MED27: variants seen among roughly 807,000 people sequenced by gnomAD.
MED27 encodes mediator of RNA polymerase II transcription subunit 27.
A neutral mutation model predicts 38.2 loss-of-function variants in MED27; 30 were observed. The observed-to-expected ratio is 0.79, with a 90% CI of 0.59 to 1.07. MED27 has a LOEUF of 1.07. MED27 is among the 50% of genes least tolerant of loss of function. The pLI is 0.00. For synonymous variants in MED27, 122 were observed against 153.5 expected, an observed-to-expected ratio of 0.79 and a Z score of 1.52; for missense variants, 289 against 397.5, an observed-to-expected ratio of 0.73 and a Z score of 2.32.
intron 3 of MED27, among the ~76,000 whole-genome samples, chr9:131,978,820 A>G (rs929560972): frequency 3.3e-5 from 5 of 152,244 alleles, no homozygotes; most frequent in African/African-American, 1.2e-4. Flanking sequence ...AGAGCTGGAG[A>G]AACCATCGCA....
intron 2 of MED27, among the ~76,000 whole-genome samples, chr9:132,028,364 C>T (rs1446907646): frequency 1.3e-5 from 2 of 152,182 alleles, no homozygotes; most frequent in African/African-American, 2.4e-5. Flanking sequence ...TTCAACTTCT[C>T]CCACTCACCT....
At chr9:132,007,115 T>C (rs1374655640) in intron 3 of MED27, among the ~76,000 whole-genome samples, 1 of 152,224 alleles carries the variant, frequency 6.6e-6, no homozygotes, top group Non-Finnish European at 1.5e-5. Context: ...CTGGAAGCCC[T>C]AGGTGTGAGT....
intron 2 of MED27, among the ~76,000 whole-genome samples, chr9:132,019,772 T>C (rs1832679804): frequency 6.6e-6 from 1 of 152,200 alleles, no homozygotes; most frequent in Non-Finnish European, 1.5e-5. Context: ...TAACTGGAGG[T>C]ACTGATGTTT....
chr9:131,896,015 C>T (rs1028361492), intron 4 of MED27, among the ~76,000 whole-genome samples: 12 of 152,082 alleles, frequency 7.9e-5, no homozygotes, highest in East Asian at 5.8e-4. Context: ...TCTCCTGCCT[C>T]GGCCTCCCGA....
At chr9:131,973,098 C>G (rs1156340932) in intron 3 of MED27, among the ~76,000 whole-genome samples, 1 of 152,228 alleles carries the variant, frequency 6.6e-6, no homozygotes, top group Non-Finnish European at 1.5e-5. Context: ...TTCCTGTCAC[C>G]AATTCCTACC....
intron 6 of MED27, 55 bp downstream of exon 6, chr9:131,884,003 A>G (rs780213045): frequency 3.4e-6 from 5 of 1,488,182 alleles, no homozygotes; most frequent in Non-Finnish European, 4.7e-6. Flanking sequence ...TTAAACCTCA[A>G]AGCATTCACG....
intron 2 of MED27, among the ~76,000 whole-genome samples, chr9:132,064,721 G>T (rs1833773161): frequency 6.6e-6 from 1 of 152,104 alleles, no homozygotes; most frequent in Non-Finnish European, 1.5e-5. Flanking sequence ...ATAAAAACTG[G>T]GTGATATTTA....
intron 2 of MED27, among the ~76,000 whole-genome samples, chr9:132,069,599 C>CA (rs34960114): frequency 1.3e-5 from 2 of 152,182 alleles, no homozygotes; most frequent in Non-Finnish European, 2.9e-5. Context: ...CTGGAGCATA[C>CA]AAAAAGGCTG....
chr9:131,884,173 A>G, intron 5 of MED27, 74 bp from the exon 6 acceptor site: 1 of 1,185,172 alleles, frequency 8.4e-7, no homozygotes, highest in Non-Finnish European at 1.2e-6. Context: ...TATTGTAACT[A>G]CTGTTAACCC....
chr9:132,002,618 A>C (rs938991573), intron 3 of MED27, among the ~76,000 whole-genome samples: 3 of 152,210 alleles, frequency 2.0e-5, no homozygotes, highest in Non-Finnish European at 2.9e-5. Flanking sequence ...GCATCAAGAA[A>C]CCATCAAAAT....
intron 2 of MED27, among the ~76,000 whole-genome samples, chr9:132,067,543 G>T (rs1833835702): frequency 6.6e-6 from 1 of 152,174 alleles, no homozygotes; most frequent in Non-Finnish European, 1.5e-5. Flanking sequence ...ACTAGAAGTG[G>T]CAAAAAGAAG....
intron 3 of MED27, among the ~76,000 whole-genome samples, chr9:131,972,441 G>T (rs941131481): frequency 6.6e-6 from 1 of 152,148 alleles, no homozygotes; most frequent in African/African-American, 2.4e-5. Context: ...TAAGGCAGTA[G>T]ACAGCAAATG....
At chr9:131,875,965 T>C (rs1838924036) in intron 6 of MED27, among the ~76,000 whole-genome samples, 1 of 152,122 alleles carries the variant, frequency 6.6e-6, no homozygotes, top group Non-Finnish European at 1.5e-5. Context: ...CAGGAAACAG[T>C]AGGGGAGCCG....
At chr9:131,906,997 A>G (rs9411416) in intron 4 of MED27, among the ~76,000 whole-genome samples, 81,176 of 152,030 alleles carry the variant, frequency 0.53, 23,515 homozygotes, top group Non-Finnish European at 0.66. Context: ...TGCTGGTGGG[A>G]GTGTCTTTTC....
chr9:132,054,698 T>C (rs915831415), intron 2 of MED27, among the ~76,000 whole-genome samples: 1 of 152,166 alleles, frequency 6.6e-6, no homozygotes, highest in South Asian at 2.1e-4. Context: ...GCATGAGCCA[T>C]CACGCCCCAC....
At chr9:131,986,598 C>T (rs1831855106) in intron 3 of MED27, among the ~76,000 whole-genome samples, 1 of 152,094 alleles carries the variant, frequency 6.6e-6, no homozygotes, top group African/African-American at 2.4e-5. Flanking sequence ...CACTATGGTA[C>T]CATGCTGTAG....
intron 3 of MED27, among the ~76,000 whole-genome samples, chr9:131,976,368 A>G (rs978286757): frequency 2.6e-5 from 4 of 152,220 alleles, no homozygotes; most frequent in African/African-American, 9.6e-5. Context: ...TATCCTCTCC[A>G]TTATCCTAAT....
intron 2 of MED27, among the ~76,000 whole-genome samples, chr9:132,058,786 G>A (rs1833636941): frequency 6.6e-6 from 1 of 151,924 alleles, no homozygotes; most frequent in Non-Finnish European, 1.5e-5. Flanking sequence ...AAAAGCTAAG[G>A]GTTTTATAAC....
chr9:131,909,576 G>A (rs1356628386), intron 4 of MED27, among the ~76,000 whole-genome samples: 2 of 152,236 alleles, frequency 1.3e-5, no homozygotes, highest in African/African-American at 4.8e-5. Flanking sequence ...CAGCAGCACT[G>A]GCTTTTTAAT....
Sources: gnomAD v4.1 joint callset for allele counts (sites outside exome capture counted in the v4.1 genomes callset) on GRCh38, gnomAD v4.1.1 for gene constraint, MANE v1.5 for transcripts, NCBI Gene and HGNC (gene_info 2026-07-23, HGNC 2026-07-21) for gene names.